Variants in MAGI2 observed in about 807,000 individuals in gnomAD.
The protein encoded by MAGI2 is membrane-associated guanylate kinase, WW and PDZ domain-containing protein 2.
A neutral mutation model predicts 133.3 loss-of-function variants in MAGI2; 35 were observed. That is an observed-to-expected ratio of 0.26 (90% CI 0.20 to 0.35). MAGI2 has a LOEUF of 0.35. MAGI2 is among the 10% of genes least tolerant of loss of function. MAGI2 has a pLI of 1.00. For missense variants in MAGI2, 1,636 were observed against 1,863.4 expected, an observed-to-expected ratio of 0.88 and a Z score of 2.25; for synonymous variants, 729 against 710.6, an observed-to-expected ratio of 1.03 and a Z score of -0.41.
chr7:78,722,948 T>C (rs1043452136), intron 2 of MAGI2, among the ~76,000 whole-genome samples: 7 of 152,042 alleles, frequency 4.6e-5, no homozygotes, highest in African/African-American at 1.4e-4. Context: ...AGTTGGCTTA[T>C]CTAGTTGATG....
At chr7:79,255,073 G>T (rs544095696) in intron 1 of MAGI2, among the ~76,000 whole-genome samples, 2 of 152,034 alleles carry the variant, frequency 1.3e-5, no homozygotes, top group Non-Finnish European at 2.9e-5. Context: ...TGTATGACAC[G>T]TATTTTTCTA....
intron 14 of MAGI2, among the ~76,000 whole-genome samples, chr7:78,173,913 T>A (rs555956052): frequency 6.6e-6 from 1 of 152,252 alleles, no homozygotes; most frequent in South Asian, 2.1e-4. Flanking sequence ...TAAATTTAAT[T>A]TTCAAGAGAA....
chr7:79,249,394 C>T (rs1833062534), intron 1 of MAGI2, among the ~76,000 whole-genome samples: 1 of 150,076 alleles, frequency 6.7e-6, no homozygotes, highest in Non-Finnish European at 1.5e-5. Flanking sequence ...TTTAGCGAGA[C>T]TAGCTAAGAA....
intron 2 of MAGI2, among the ~76,000 whole-genome samples, chr7:78,989,014 A>G (rs1001696112): frequency 2.0e-5 from 3 of 152,092 alleles, no homozygotes; most frequent in African/African-American, 7.2e-5. Flanking sequence ...GTATATGCAG[A>G]GGTGCTTCGT....
chr7:78,543,145 T>G (rs754252087), intron 3 of MAGI2, among the ~76,000 whole-genome samples: 20 of 152,178 alleles, frequency 1.3e-4, no homozygotes, highest in Non-Finnish European at 2.4e-4. Context: ...GAATAAAATC[T>G]TCAAGGAAAA....
intron 3 of MAGI2, among the ~76,000 whole-genome samples, chr7:78,531,539 A>T (rs935837914): frequency 1.3e-5 from 2 of 152,150 alleles, no homozygotes; most frequent in Non-Finnish European, 2.9e-5. Flanking sequence ...GTGTCTAGTG[A>T]GCTCAATGCT....
At chr7:78,777,791 A>G (rs1376037183) in intron 2 of MAGI2, among the ~76,000 whole-genome samples, 1 of 152,212 alleles carries the variant, frequency 6.6e-6, no homozygotes, top group Non-Finnish European at 1.5e-5. Context: ...CTTCCAGTAC[A>G]TAAAGTAAAA....
At chr7:78,611,682 C>T (rs550459851) in intron 3 of MAGI2, among the ~76,000 whole-genome samples, 3 of 152,290 alleles carry the variant, frequency 2.0e-5, no homozygotes, top group Admixed American at 1.3e-4. Context: ...TCCTACAACA[C>T]ACACGTACAG....
At chr7:79,060,800 T>G (rs1374624708) in intron 1 of MAGI2, among the ~76,000 whole-genome samples, 1 of 152,236 alleles carries the variant, frequency 6.6e-6, no homozygotes, top group East Asian at 1.9e-4. Flanking sequence ...GTAGCTATTT[T>G]GGGCTTCATA....
At chr7:78,203,102 A>G (rs1482459040) in intron 10 of MAGI2, among the ~76,000 whole-genome samples, 1 of 152,232 alleles carries the variant, frequency 6.6e-6, no homozygotes, top group African/African-American at 2.4e-5. Flanking sequence ...ATTGCCAGCA[A>G]TAGCACTTTT....
chr7:78,069,724 G>T (rs1814283938), intron 21 of MAGI2, among the ~76,000 whole-genome samples: 1 of 151,976 alleles, frequency 6.6e-6, no homozygotes, highest in Non-Finnish European at 1.5e-5. Context: ...TTCTTGAATT[G>T]GTGACTTCTT....
chr7:79,137,084 C>T (rs897401881), intron 1 of MAGI2, among the ~76,000 whole-genome samples: 4 of 152,010 alleles, frequency 2.6e-5, no homozygotes, highest in African/African-American at 9.7e-5. Context: ...CAGGTTCAAA[C>T]TGAGGCTAAA....
At chr7:78,996,571 C>A (rs1322958915) in intron 2 of MAGI2, among the ~76,000 whole-genome samples, 8 of 151,954 alleles carry the variant, frequency 5.3e-5, no homozygotes, top group African/African-American at 1.5e-4. Flanking sequence ...GGGCTTAATA[C>A]CTGGATGAAT....
chr7:79,438,918 C>G (rs1223697341), intron 1 of MAGI2, among the ~76,000 whole-genome samples: 1 of 152,112 alleles, frequency 6.6e-6, no homozygotes, highest in Non-Finnish European at 1.5e-5. Flanking sequence ...CTTTATCCAC[C>G]TACAGTATAA....
At chr7:78,626,276 T>A (rs181614811) in intron 3 of MAGI2, among the ~76,000 whole-genome samples, 3 of 152,188 alleles carry the variant, frequency 2.0e-5, no homozygotes, top group African/African-American at 4.8e-5. Context: ...ATTATATATA[T>A]ACACAGATAC....
rs1032407091 is a variant in MAGI2 at position 78,536,987 on chromosome 7, G to C, written c.539-15342C>G. ...TTCCATGCTTCCCCCTGAGTCCTCA[G>C]TCCGTTGTATCATTCTTATGCCTTT... On this transcript the variant is annotated intron_variant, in intron 3 of 21. Transcript: ENST00000354212. Among the ~76,000 whole-genome samples, 35 of 152,074 alleles carry C rather than the reference G, an allele frequency of 2.3e-4. 1 individual carries two copies. Among genetic ancestry groups the C allele is most frequent in the African/African-American group, 8.4e-4 (35 of 41,480 alleles).
intron 1 of MAGI2, among the ~76,000 whole-genome samples, chr7:79,038,784 C>T (rs1380973453): frequency 2.0e-5 from 3 of 152,258 alleles, no homozygotes; most frequent in African/African-American, 7.2e-5. Context: ...TGTAATGCAG[C>T]CTTGCCTGCA....
At chr7:78,986,885 C>A (rs117082525) in intron 2 of MAGI2, among the ~76,000 whole-genome samples, 22 of 152,086 alleles carry the variant, frequency 1.4e-4, no homozygotes, top group Admixed American at 3.9e-4. Flanking sequence ...ATACCATTTT[C>A]TGCTTCCATG....
chr7:78,279,129 C>T (rs559817807), intron 9 of MAGI2, among the ~76,000 whole-genome samples: 1 of 152,116 alleles, frequency 6.6e-6, no homozygotes, highest in South Asian at 2.1e-4. Flanking sequence ...CCTTTACTTA[C>T]TTGGTACAGC....
Sources: gnomAD v4.1 joint callset for allele counts (sites outside exome capture counted in the v4.1 genomes callset) on GRCh38, gnomAD v4.1.1 for gene constraint, MANE v1.5 for transcripts, NCBI Gene and HGNC (gene_info 2026-07-23, HGNC 2026-07-21) for gene names.